UNC13C: variants seen among roughly 807,000 people sequenced by gnomAD.
The protein encoded by UNC13C is unc-13 homolog C.
In UNC13C, 174 loss-of-function variants were observed where a neutral mutation model predicts 245.4. The observed-to-expected ratio is 0.71, with a 90% CI of 0.63 to 0.80. UNC13C has a LOEUF of 0.80. Ranked by LOEUF, UNC13C falls within the 30% of genes least tolerant of loss-of-function variation. UNC13C has a pLI of 0.00. For synonymous variants in UNC13C, 992 were observed against 895.1 expected, an observed-to-expected ratio of 1.11 and a Z score of -1.93; for missense variants, 2,829 against 2,602.9, an observed-to-expected ratio of 1.09 and a Z score of -1.89.
chr15:53,956,268 CA>C, the UNC13C span, among the ~76,000 whole-genome samples: 4 of 152,122 alleles, frequency 2.6e-5, no homozygotes, highest in Admixed American at 6.5e-5. Flanking sequence ...TCCCAAACCT[CA>C]GCATCACGCA....
chr15:54,542,695 C>T (rs1300647965), intron 26 of UNC13C, among the ~76,000 whole-genome samples: 1 of 152,090 alleles, frequency 6.6e-6, no homozygotes, highest in Admixed American at 6.6e-5. Context: ...GTATTGCGTG[C>T]ATATATATTT....
intron 17 of UNC13C, among the ~76,000 whole-genome samples, chr15:54,366,858 ACTCAGTC>A (rs1183758410): frequency 1.3e-5 from 2 of 152,038 alleles, no homozygotes; most frequent in Non-Finnish European, 2.9e-5. Flanking sequence ...CATGGAATAC[ACTCAGTC>A]CTCTGGTGGC....
intron 1 of UNC13C, among the ~76,000 whole-genome samples, chr15:54,001,782 GGGGACAC>G (rs1419127907): frequency 2.0e-5 from 3 of 152,120 alleles, no homozygotes; most frequent in African/African-American, 7.2e-5. Context: ...AGTGCTCCGT[GGGGACAC>G]GGCACAGCCA....
chr15:54,622,330 G>T lies in UNC13C; in HGVS notation c.6110G>T (p.Arg2037Leu). The T allele has an allele frequency of 6.2e-7, 1 of 1,612,578 alleles. No individual in the cohort carries two copies. The part of the protein sequence containing the change: ...KFIDTQTSQS[R>L]SSKDAVGQIS... ...GTAAGCCTCTGCTTATTTTCAGGTC[G>T]TTCCTCCAAAGATGCCGTGGGTCAG... is the stretch of plus-strand genomic sequence containing the variant. The change falls in exon 31 of 33, where the codon CGT becomes CTT. Residue 2037 changes from arginine to leucine, a missense_variant. Physicochemically the swap from Arg to Leu is moderately radical, Grantham distance 102. Transcript: ENST00000260323.
At chr15:54,010,039 A>G (rs1895314094) in intron 1 of UNC13C, among the ~76,000 whole-genome samples, 1 of 152,198 alleles carries the variant, frequency 6.6e-6, no homozygotes, top group African/African-American at 2.4e-5. Context: ...ACCTTTGCAC[A>G]TGACATGAAT....
intron 4 of UNC13C, among the ~76,000 whole-genome samples, chr15:54,195,408 T>A (rs1040461060): frequency 6.6e-6 from 1 of 152,198 alleles, no homozygotes; most frequent in African/African-American, 2.4e-5. Context: ...GAATAACATT[T>A]GTTTTGGAAA....
chr15:54,575,839 T>A (rs1897937293), intron 30 of UNC13C, among the ~76,000 whole-genome samples: 1 of 152,156 alleles, frequency 6.6e-6, no homozygotes, highest in Non-Finnish European at 1.5e-5. Context: ...AGACAAGAGG[T>A]TAGCATTTCT....
chr15:54,378,556 A>C (rs2039654748), intron 17 of UNC13C, among the ~76,000 whole-genome samples: 1 of 151,692 alleles, frequency 6.6e-6, no homozygotes, highest in African/African-American at 2.4e-5. Context: ...TTTGGTAATA[A>C]ATATATAATA....
At chr15:54,153,904 A>AT (rs1484017456) in intron 4 of UNC13C, among the ~76,000 whole-genome samples, 3 of 151,904 alleles carry the variant, frequency 2.0e-5, no homozygotes, top group African/African-American at 7.2e-5. Flanking sequence ...CTTTACATAG[A>AT]TTTCTAAAAA....
chr15:54,481,724 C>T (rs989050452), intron 19 of UNC13C, among the ~76,000 whole-genome samples: 5 of 152,036 alleles, frequency 3.3e-5, no homozygotes, highest in Non-Finnish European at 5.9e-5. Context: ...GTGGGCAGGA[C>T]ACAGAATCCA....
At chr15:54,223,775 A>G (rs2035295337) in intron 4 of UNC13C, among the ~76,000 whole-genome samples, 1 of 151,810 alleles carries the variant, frequency 6.6e-6, no homozygotes, top group South Asian at 2.1e-4. Context: ...ATGAACATGG[A>G]ATATTTTTCT....
intron 10 of UNC13C, among the ~76,000 whole-genome samples, chr15:54,283,890 G>A (rs879640400): frequency 6.6e-6 from 1 of 152,138 alleles, no homozygotes; most frequent in Non-Finnish European, 1.5e-5. Flanking sequence ...CTTTTTCTAA[G>A]CTAGTTCTAT....
intron 10 of UNC13C, among the ~76,000 whole-genome samples, chr15:54,287,110 G>T (rs899620134): frequency 6.6e-6 from 1 of 152,098 alleles, no homozygotes; most frequent in African/African-American, 2.4e-5. Context: ...TAAACCCGGG[G>T]TCTTGGTTAA....
the UNC13C span, among the ~76,000 whole-genome samples, chr15:53,851,021 G>C: frequency 6.6e-6 from 1 of 151,236 alleles, no homozygotes; most frequent in African/African-American, 2.4e-5. Context: ...ATATTTCTTG[G>C]AGTTCTAGTA....
At chr15:53,894,252 G>C in the UNC13C span, among the ~76,000 whole-genome samples, 5,483 of 152,274 alleles carry the variant, frequency 0.036, 342 homozygotes, top group African/African-American at 0.13. Flanking sequence ...TGTCAATCGC[G>C]CTGGGAGCTG....
chr15:54,407,977 A>G (rs1028649655), intron 18 of UNC13C, among the ~76,000 whole-genome samples: 7 of 151,916 alleles, frequency 4.6e-5, no homozygotes, highest in Admixed American at 1.3e-4. Flanking sequence ...CAAGGTGGGC[A>G]GATCATGAGG....
At chr15:54,512,851 T>G (rs1373872155) in intron 24 of UNC13C, among the ~76,000 whole-genome samples, 1 of 152,200 alleles carries the variant, frequency 6.6e-6, no homozygotes, top group Non-Finnish European at 1.5e-5. Context: ...GTGATTTTGC[T>G]TTTAACCCCA....
At chr15:54,442,522 C>T (rs897467275) in intron 19 of UNC13C, among the ~76,000 whole-genome samples, 1 of 151,956 alleles carries the variant, frequency 6.6e-6, no homozygotes, top group Non-Finnish European at 1.5e-5. Flanking sequence ...CACGCTCAGC[C>T]CCAGTTCTTA....
intron 19 of UNC13C, among the ~76,000 whole-genome samples, chr15:54,473,711 C>T (rs1246479552): frequency 6.6e-6 from 1 of 151,388 alleles, no homozygotes; most frequent in African/African-American, 2.4e-5. Context: ...ATATATACCA[C>T]CTCTTCTCTT....
Sources: gnomAD v4.1 joint callset for allele counts (sites outside exome capture counted in the v4.1 genomes callset) on GRCh38, gnomAD v4.1.1 for gene constraint, MANE v1.5 for transcripts, NCBI Gene and HGNC (gene_info 2026-07-23, HGNC 2026-07-21) for gene names.